The following RARS1 variants were observed in gnomAD, a reference collection of about 807,000 sequenced individuals.
RARS1 encodes the protein arginyl-tRNA synthetase 1, also known as arginine--tRNA ligase, cytoplasmic.
In RARS1, 75 loss-of-function variants were observed where a neutral mutation model predicts 78.7. That is an observed-to-expected ratio of 0.95 (90% CI 0.79 to 1.15). The LOEUF is 1.15. RARS1 is among the 50% of genes most tolerant of loss of function. The probability of loss-of-function intolerance (pLI) is 0.00; values close to 1 mark genes in which losing one functional copy is unlikely to be tolerated. For synonymous variants in RARS1, 273 were observed against 268.2 expected (o/e 1.02, Z -0.18); for missense variants, 787 against 787.5 (o/e 1.00, Z 0.01).
intron 2 of RARS1, among the ~76,000 whole-genome samples, chr5:168,491,946 C>CTTTTTTTTTTTT (rs149780336): frequency 9.7e-6 from 1 of 102,614 alleles, no homozygotes; most frequent in Non-Finnish European, 1.9e-5. Context: ...TGTCATTCAC[C>CTTTTTTTTTTTT]TTTTTTTTTT....
intron 13 of RARS1, 137 bp from the exon 14 acceptor site, chr5:168,517,678 A>G: frequency 8.8e-7 from 1 of 1,136,058 alleles, no homozygotes; most frequent in East Asian, 3.2e-5. Context: ...AGTTTTGCCT[A>G]ATAGTATATC....
At chr5:168,503,874 C>T (rs932908692) in intron 9 of RARS1, among the ~76,000 whole-genome samples, 2 of 151,924 alleles carry the variant, frequency 1.3e-5, no homozygotes, top group African/African-American at 4.8e-5. Flanking sequence ...AGTTTGAGGT[C>T]AGTCTGCGCA....
At position 168,495,320 on chromosome 5, in the gene RARS1, A is replaced by G; in HGVS notation, c.585A>G (p.Ile195Met). Residue 195 changes from isoleucine (I) to methionine (M), a missense_variant, in exon 6 of 15, where the codon ATA (isoleucine) becomes ATG (methionine). Ile to Met is a conservative substitution (Grantham distance 10, BLOSUM62 1). Transcript: ENST00000231572. ...TCTCTTTTTGTCTACCCCAGGTTAT[A>G]GTTGACTTTTCCTCCCCTAATATAG... ...LPALGENKKV[I>M]VDFSSPNIAK... 6.2e-7 allele frequency: 1 copy of G among 1,613,756 alleles called. No individual in the cohort carries two copies. The highest frequency in any genetic ancestry group is 8.5e-7 in the Non-Finnish European group (1 of 1,179,776).
intron 13 of RARS1, among the ~76,000 whole-genome samples, chr5:168,517,362 G>A (rs1758691439): frequency 6.6e-6 from 1 of 152,060 alleles, no homozygotes; most frequent in African/African-American, 2.4e-5. Context: ...AGGCAGGTCT[G>A]GAACTCTGGA....
intron 7 of RARS1, 54 bp downstream of exon 7, chr5:168,497,402 T>G: frequency 7.4e-7 from 1 of 1,354,268 alleles, no homozygotes; most frequent in Non-Finnish European, 9.8e-7. Context: ...ATCATAATTA[T>G]CCATTTTCCT....
intron 1 of RARS1, among the ~76,000 whole-genome samples, chr5:168,487,096 C>T (rs952109439): frequency 6.6e-6 from 1 of 152,130 alleles, no homozygotes; most frequent in Non-Finnish European, 1.5e-5. Flanking sequence ...GGCGCGGTGG[C>T]TCATGCCTGT....
In RARS1 at chr5:168,491,923, T is replaced by G. The variant is rs555729404; in HGVS notation, c.181-736T>G. On this transcript the variant is annotated intron_variant, in intron 2 of 14. Transcript: ENST00000231572. ...GTATAGGCAGCATGTTTATCTTCTA[T>G]TAAAAGCATATGTGTCATTCACCTT... Among the ~76,000 whole-genome samples the G allele has an allele frequency of 7.3e-5, 11 of 150,486 alleles. No individual in the cohort carries two copies. The South Asian group carries it at 2.3e-3, about 32-fold the overall frequency.
At chr5:168,515,208 G>A (rs17664614) in intron 12 of RARS1, among the ~76,000 whole-genome samples, 24,106 of 152,112 alleles carry the variant, frequency 0.16, 2,422 homozygotes, top group East Asian at 0.52. Flanking sequence ...AACAATTTCA[G>A]ATTTTAAAGT....
chr5:168,506,609 C>G, intron 10 of RARS1, 113 bp from the exon 11 acceptor site: 1 of 757,778 alleles, frequency 1.3e-6, no homozygotes, highest in Non-Finnish European at 2.1e-6. Flanking sequence ...ACTTGTCTCA[C>G]AAGATTTATG....
In RARS1 at chr5:168,518,340, C is replaced by T. The variant is rs182570552; in HGVS notation, c.1873+278C>T. On this transcript the variant is annotated intron_variant, in intron 14 of 14. Coordinates refer to ENST00000231572, the MANE Select transcript of RARS1 (RefSeq NM_002887.4). ...GAGTGGTTTTCAGATTTATTTTATT[C>T]ATGGAAACTTCCACTTTTTCCCTAA... Among the ~76,000 whole-genome samples the T allele has an allele frequency of 2.6e-5, 4 of 152,016 alleles. No individual in the cohort carries two copies. In the East Asian group the frequency reaches 7.8e-4, roughly 29 times the overall value.
chr5:168,492,607 A>G (rs1758107309), intron 2 of RARS1, 52 bp from the exon 3 acceptor site: 2 of 1,400,666 alleles, frequency 1.4e-6, no homozygotes, highest in Non-Finnish European at 2.0e-6. Flanking sequence ...GACATCTTGT[A>G]TGATGATGGT....
Position 168,492,678 on chromosome 5 carries a change from A to G in RARS1, c.200A>G (p.Asn67Ser), listed in dbSNP as rs928344466. The change falls in exon 3 of 15, where the codon AAC (asparagine) becomes AGC (serine). Residue 67 changes from asparagine (N) to serine (S), a missense_variant. Transcript: ENST00000231572. ...ILRKSLQAER[N>S]KPTKNMINII... ...CTACAGAGTCTTCAGGCAGAAAGGA[A>G]CAAACCAACTAAAAATATGATTAAC... 2 of 1,606,788 alleles carry G rather than the reference A, an allele frequency of 1.2e-6. No individual in the cohort carries two copies. Among genetic ancestry groups the G allele is most frequent in the Non-Finnish European group, 1.7e-6 (2 of 1,173,658 alleles).
chr5:168,497,398 A>G, intron 7 of RARS1, 50 bp downstream of exon 7: 1 of 1,370,790 alleles, frequency 7.3e-7, no homozygotes, highest in Non-Finnish European at 9.7e-7. Context: ...ATTAATCATA[A>G]TTATCCATTT....
In RARS1 at chr5:168,516,859, C is replaced by T. The variant is rs757249400; in HGVS notation, c.1534C>T (p.Arg512Trp). Residue 512 changes from arginine (R) to tryptophan (W), a missense_variant, in exon 13 of 15, where the codon CGG (arginine) becomes TGG (tryptophan). Coordinates refer to ENST00000231572, the MANE Select transcript of RARS1 (RefSeq NM_002887.4). ...CAAATATGCTGACCTTTCCCATAAC[C>T]GGTTGAATGACTACATCTTCTCCTT... The part of the protein sequence containing the change: ...CIKYADLSHN[R>W]LNDYIFSFDK... 44 of 1,613,924 alleles carry T rather than the reference C, an allele frequency of 2.7e-5. No individual in the cohort carries two copies. The highest frequency in any genetic ancestry group is 7.7e-5 in the South Asian group (7 of 91,072).
intron 2 of RARS1, among the ~76,000 whole-genome samples, chr5:168,488,943 C>G (rs922627008): frequency 6.6e-6 from 1 of 152,188 alleles, no homozygotes; most frequent in African/African-American, 2.4e-5. Context: ...TCCTTCAGGA[C>G]TCTTTGAAAT....
chr5:168,510,735 T>G (rs765841353), intron 12 of RARS1, 49 bp downstream of exon 12: 3 of 1,422,248 alleles, frequency 2.1e-6, no homozygotes, highest in Non-Finnish European at 2.9e-6. Context: ...TTGTGATTTT[T>G]CATTTTTGTT....
chr5:168,493,679 G>A (rs768565190), intron 3 of RARS1, among the ~76,000 whole-genome samples: 2 of 150,462 alleles, frequency 1.3e-5, no homozygotes, highest in Non-Finnish European at 3.0e-5. Flanking sequence ...TGTGTGTAAC[G>A]TATTTGGAAA....
intron 5 of RARS1, 46 bp from the exon 6 acceptor site, chr5:168,495,269 A>G (rs772033198): frequency 1.3e-6 from 2 of 1,581,932 alleles, no homozygotes; most frequent in Admixed American, 3.6e-5. Context: ...TTCTCTCTTT[A>G]TGTTTATGCC....
rs551762761 is a variant in RARS1, at chr5:168,487,382, G to T, written c.45+839G>T. ...CTCCGTCCCCCTACAAAAAAAAAAAGTGAAAGCGGAACAGTTCCATTACCT... is the reference window on the plus strand; with the variant it reads ...CTCCGTCCCCCTACAAAAAAAAAAATTGAAAGCGGAACAGTTCCATTACCT... On this transcript the variant is annotated intron_variant, in intron 1 of 14. Transcript: ENST00000231572. Among the ~76,000 whole-genome samples, 100 of 151,724 alleles carry T rather than the reference G, an allele frequency of 6.6e-4. 1 individual carries two copies. The highest frequency in any genetic ancestry group is 2.3e-3 in the African/African-American group (97 of 41,470).
Sources: gnomAD v4.1 joint callset for allele counts (sites outside exome capture counted in the v4.1 genomes callset) on GRCh38, gnomAD v4.1.1 for gene constraint, MANE v1.5 for transcripts, NCBI Gene and HGNC (gene_info 2026-07-23, HGNC 2026-07-21) for gene names.